WDR11: variants seen among roughly 807,000 people sequenced by gnomAD.
WDR11 encodes the protein WD repeat domain 11.
WDR11 carries 83 observed loss-of-function variants against 151.2 expected under a neutral mutation model. The ratio of observed to expected loss-of-function variants is 0.55; its 90% CI spans 0.46 to 0.66. The LOEUF (loss-of-function observed/expected upper bound fraction) is 0.66, where lower values mean the gene tolerates loss of function less well. WDR11 is among the 30% of genes least tolerant of loss of function. The pLI, the probability that WDR11 is intolerant of heterozygous loss-of-function variation, is 0.00. For missense variants in WDR11, 1,301 were observed against 1,480.9 expected (o/e 0.88, Z 1.99); for synonymous variants, 484 against 533.1 (o/e 0.91, Z 1.27).
Position 120,902,301 on chromosome 10 carries a change from A to C in WDR11, c.2732A>C (p.Gln911Pro), listed in dbSNP as rs1393370905. The C allele has an allele frequency of 6.2e-7, 1 of 1,614,094 alleles. No homozygotes were observed. Among genetic ancestry groups the C allele is most frequent in the African/African-American group, 1.3e-5 (1 of 75,066 alleles). The change falls in exon 22 of 29, where the codon CAG becomes CCG. Residue 911 changes from glutamine to proline, a missense_variant. Gln to Pro is a moderately conservative substitution (Grantham distance 76). Transcript: ENST00000263461. Reference protein sequence around the residue: ...LLLDPEFTLLQRCLLVSRLYG... With the variant: ...LLLDPEFTLLPRCLLVSRLYG... ...CTTGATCCAGAATTCACTCTCTTGC[A>C]GAGGTGCCTGCTTGTTTCAAGGTAA...
At chr10:120,907,131 TAAAAAG>T (rs1047725427) in intron 28 of WDR11, among the ~76,000 whole-genome samples, 6 of 152,034 alleles carry the variant, frequency 3.9e-5, no homozygotes, top group Admixed American at 6.6e-5. Flanking sequence ...TGTCTGAACT[TAAAAAG>T]AAGATGAAGG....
chr10:120,898,508 A>C (rs1442111068), intron 19 of WDR11, among the ~76,000 whole-genome samples: 1 of 152,226 alleles, frequency 6.6e-6, no homozygotes, highest in East Asian at 1.9e-4. Context: ...CACAGTCCAG[A>C]GTTGATGTGG....
intron 9 of WDR11, among the ~76,000 whole-genome samples, chr10:120,868,438 C>T (rs1344537196): frequency 3.3e-5 from 5 of 151,964 alleles, no homozygotes; most frequent in African/African-American, 9.7e-5. Flanking sequence ...ACCTGGGCAA[C>T]AGAGCGAGAC....
At chr10:120,883,969 A>C in intron 14 of WDR11, 81 bp downstream of exon 14, 1 of 1,158,900 alleles carries the variant, frequency 8.6e-7, no homozygotes, top group Non-Finnish European at 1.3e-6. Flanking sequence ...TTGAATCAAA[A>C]TCATTACTGC....
chr10:120,863,069 T>G (rs1408504069), intron 5 of WDR11, 148 bp downstream of exon 5: 1 of 647,530 alleles, frequency 1.5e-6, no homozygotes, highest in African/African-American at 1.8e-5. Flanking sequence ...ATATTTATTT[T>G]TGTCCCCTGC....
intron 2 of WDR11, among the ~76,000 whole-genome samples, chr10:120,857,044 A>G (rs1387754065): frequency 6.6e-6 from 1 of 152,082 alleles, no homozygotes; most frequent in Non-Finnish European, 1.5e-5. Flanking sequence ...CATTGAACTC[A>G]TAGCCAACAA....
At chr10:120,874,193 G>GTTTTTTTTTTTTTTTTTTTTTT (rs1554854855) in intron 11 of WDR11, among the ~76,000 whole-genome samples, 1 of 75,332 alleles carries the variant, frequency 1.3e-5, no homozygotes, top group African/African-American at 4.6e-5. Context: ...TTTTTTTTTT[G>GTTTTTTTTTTTTTTTTTTTTTT]TTGTTGTTGT....
intron 9 of WDR11, among the ~76,000 whole-genome samples, chr10:120,869,739 G>T (rs1185765990): frequency 6.6e-6 from 1 of 152,100 alleles, no homozygotes; most frequent in African/African-American, 2.4e-5. Flanking sequence ...ACATATGTAT[G>T]TGTGGCACTT....
chr10:120,863,145 G>A (rs963473863), intron 5 of WDR11, among the ~76,000 whole-genome samples: 4 of 152,152 alleles, frequency 2.6e-5, no homozygotes, highest in Admixed American at 6.5e-5. Flanking sequence ...CTTCCCCACT[G>A]ACTTTTATAG....
At chr10:120,864,003 T>G (rs1247466009) in intron 5 of WDR11, among the ~76,000 whole-genome samples, 2 of 152,198 alleles carry the variant, frequency 1.3e-5, no homozygotes, top group Non-Finnish European at 2.9e-5. Flanking sequence ...TAAGTTATGT[T>G]TTATATTTCT....
chr10:120,897,340 C>A (rs1277158591), intron 19 of WDR11, among the ~76,000 whole-genome samples: 1 of 152,174 alleles, frequency 6.6e-6, no homozygotes, highest in African/African-American at 2.4e-5. Context: ...GCAAGGATCA[C>A]TTGTGGATGT....
chr10:120,899,856 T>G, intron 19 of WDR11, 173 bp from the exon 20 acceptor site: 1 of 627,122 alleles, frequency 1.6e-6, no homozygotes, highest in South Asian at 1.9e-5. Flanking sequence ...ATGCAGAGAC[T>G]CTCTCTGCTC....
chr10:120,867,181 T>TC lies in WDR11; in HGVS notation c.1294+16dup. On this transcript the variant is annotated intron_variant, in intron 9 of 28. Coordinates refer to ENST00000263461, the MANE Select transcript of WDR11 (RefSeq NM_018117.12). ...AGATAACATGATTGGTAAGCTTTTT[T>TC]CCCCTCTAACTCCATGTTAAGTATT... 1 of 1,585,424 alleles carries TC rather than the reference T, an allele frequency of 6.3e-7. No homozygotes were observed. Among genetic ancestry groups the TC allele is most frequent in the Non-Finnish European group, 8.7e-7 (1 of 1,154,064 alleles).
chr10:120,855,439 A>C (rs1845914914), intron 2 of WDR11, among the ~76,000 whole-genome samples: 1 of 150,030 alleles, frequency 6.7e-6, no homozygotes, highest in African/African-American at 2.5e-5. Context: ...ATTTTCTCTC[A>C]ATTTGTGGGT....
At chr10:120,882,952 A>G (rs757517108) in intron 13 of WDR11, among the ~76,000 whole-genome samples, 2 of 152,170 alleles carry the variant, frequency 1.3e-5, no homozygotes, top group Admixed American at 1.3e-4. Flanking sequence ...TAAACAGTTA[A>G]TGCTATATGA....
rs1449683079 is a variant in WDR11 at position 120,867,131 on chromosome 10, A to G, written c.1256A>G (p.Gln419Arg). The change falls in exon 9 of 29, where the codon CAG (glutamine) becomes CGG (arginine). Residue 419 changes from glutamine (Q) to arginine (R), a missense_variant. Around this residue, in one of 3 missense-constraint regions of WDR11, gnomAD observed 692 missense variants for 762.5 expected, o/e 0.91. Transcript: ENST00000263461. ...SFCGIPVGVL[Q>R]NKLPDLSLDN... ...TGTGGAATTCCTGTAGGAGTGCTACAGAATAAACTCCCAGACCTTTCCTTA... is the reference window on the plus strand; with the variant it reads ...TGTGGAATTCCTGTAGGAGTGCTACGGAATAAACTCCCAGACCTTTCCTTA... 1 of 1,613,814 alleles carries G rather than the reference A, an allele frequency of 6.2e-7. No individual in the cohort carries two copies. The highest frequency in any genetic ancestry group is 8.5e-7 in the Non-Finnish European group (1 of 1,179,938).
At chr10:120,858,572 T>C (rs1216369598) in intron 2 of WDR11, 71 bp from the exon 3 acceptor site, 1 of 1,568,532 alleles carries the variant, frequency 6.4e-7, no homozygotes, top group Non-Finnish European at 8.8e-7. Flanking sequence ...TTCTGGTTGA[T>C]GTTTTGTGAA....
intron 3 of WDR11, among the ~76,000 whole-genome samples, chr10:120,859,832 A>C (rs1846075071): frequency 6.6e-6 from 1 of 152,132 alleles, no homozygotes. Flanking sequence ...AGTAATGATT[A>C]GGGCAAATTG....
intron 15 of WDR11, among the ~76,000 whole-genome samples, chr10:120,886,203 T>A (rs1034949749): frequency 6.6e-6 from 1 of 152,164 alleles, no homozygotes; most frequent in Non-Finnish European, 1.5e-5. Flanking sequence ...TCATTCCGAG[T>A]GCCCTTCTAC....
Sources: gnomAD v4.1 joint callset for allele counts (sites outside exome capture counted in the v4.1 genomes callset) on GRCh38, gnomAD v4.1.1 for gene constraint, gnomAD v4.1.1 regional missense constraint, MANE v1.5 for transcripts, NCBI Gene and HGNC (gene_info 2026-07-23, HGNC 2026-07-21) for gene names.